The following TTN variants were observed in gnomAD, a reference collection of about 807,000 sequenced individuals.
TTN encodes connectin.
In TTN, 1,525 loss-of-function variants were observed where a neutral mutation model predicts 3,223.0. That is an observed-to-expected ratio of 0.47 (90% CI 0.45 to 0.49). The LOEUF (loss-of-function observed/expected upper bound fraction) is 0.49, where lower values mean the gene tolerates loss of function less well. Among genes scored for constraint, TTN ranks in the 20% least tolerant of loss-of-function variants. The probability of loss-of-function intolerance (pLI) is 0.00; values close to 1 mark genes in which losing one functional copy is unlikely to be tolerated. For synonymous variants in TTN, 14,094 were observed against 15,161.0 expected, an observed-to-expected ratio of 0.93 and a Z score of 5.17; for missense variants, 40,786 against 43,424.0, an observed-to-expected ratio of 0.94 and a Z score of 5.40.
intron 321 of TTN, 69 bp downstream of exon 321, chr2:178,578,542 A>G (rs2046975047): frequency 1.6e-6 from 2 of 1,228,686 alleles, no homozygotes; most frequent in Non-Finnish European, 2.3e-6. Flanking sequence ...CACATGTTCA[A>G]CTGTTCTCAG....
At chr2:178,794,694 G>T in intron 7 of TTN, 143 bp from the exon 8 acceptor site, 1 of 1,133,942 alleles carries the variant, frequency 8.8e-7, no homozygotes, top group Middle Eastern at 2.0e-4. Flanking sequence ...TACAGAGACT[G>T]TATCATTAAA....
intron 56 of TTN, 42 bp downstream of exon 56, chr2:178,732,398 A>T: frequency 6.3e-7 from 1 of 1,577,530 alleles, no homozygotes; most frequent in Non-Finnish European, 8.6e-7. Flanking sequence ...GAAAGAATTT[A>T]TAACAAGGTT....
At chr2:178,793,319 A>G in intron 9 of TTN, 85 bp downstream of exon 9, 2 of 1,551,148 alleles carry the variant, frequency 1.3e-6, no homozygotes, top group East Asian at 4.5e-5. Flanking sequence ...TGGCCCAAGG[A>G]ACAACACTCT....
chr2:178,557,150 G>A lies in TTN; in HGVS notation c.88010-6C>T. ...ACGAACATTTCTTGGGGGTTCTGTG[G>A]TAATAAGAGAAGCAGATTAGCGGCA... On this transcript the variant is annotated splice_polypyrimidine_tract_variant and splice_region_variant and intron_variant, in intron 329 of 362. Coordinates refer to ENST00000589042, the MANE Select transcript of TTN (RefSeq NM_001267550.2). 5 of 1,613,182 alleles carry A rather than the reference G, an allele frequency of 3.1e-6. No individual in the cohort carries two copies. The highest frequency in any genetic ancestry group is 4.2e-6 in the Non-Finnish European group (5 of 1,179,642).
chr2:178,534,123 C>T lies in TTN; in HGVS notation c.102492G>A (p.Gln34164=). Reference sequence around the variant, plus strand: ...CAAAGTACCAAGTCACTTGGGTAGACTGATCATAATTTTCAATTTTGCATA... The same window carrying T: ...CAAAGTACCAAGTCACTTGGGTAGATTGATCATAATTTTCAATTTTGCATA... The part of the protein sequence containing the change: ...KYVCKIENYD[Q]STQVTWYFGV... The change falls in exon 358 of 363, where the codon CAG becomes CAA. Residue 34164 remains glutamine (Q), a synonymous_variant. Coordinates refer to ENST00000589042, the MANE Select transcript of TTN (RefSeq NM_001267550.2). The T allele has an allele frequency of 6.2e-7, 1 of 1,613,972 alleles. No individual in the cohort carries two copies. Among genetic ancestry groups the T allele is most frequent in the Non-Finnish European group, 8.5e-7 (1 of 1,179,860 alleles).
At chr2:178,769,172 C>T (rs563115104) in intron 37 of TTN, among the ~76,000 whole-genome samples, 3 of 151,948 alleles carry the variant, frequency 2.0e-5, no homozygotes, top group African/African-American at 7.2e-5. Context: ...TTCAATGCTA[C>T]TCTAACTGGA....
At chr2:178,785,149 C>T (rs903538146) in intron 15 of TTN, among the ~76,000 whole-genome samples, 2 of 152,158 alleles carry the variant, frequency 1.3e-5, no homozygotes, top group Non-Finnish European at 2.9e-5. Context: ...AACCCGACCA[C>T]CATACAGTAC....
At position 178,611,289 on chromosome 2, in the gene TTN, A is replaced by G; in HGVS notation, c.50858-18T>C. On this transcript the variant is annotated intron_variant, in intron 269 of 362. Transcript: ENST00000589042. ...TGGCTTGCCTGTAAGATATCATTCA[A>G]AAGAGCAAAAAACAGAGTATGTCAA... The G allele has an allele frequency of 6.2e-7, 1 of 1,610,950 alleles. No individual in the cohort carries two copies. The highest frequency in any genetic ancestry group is 8.5e-7 in the Non-Finnish European group (1 of 1,178,848).
chr2:178,730,013 C>G (rs2080115635), intron 62 of TTN, 68 bp from the exon 63 acceptor site: 1 of 1,596,500 alleles, frequency 6.3e-7, no homozygotes, highest in Non-Finnish European at 8.5e-7. Flanking sequence ...AAACTGCTGT[C>G]TTAAGCGTCC....
Position 178,589,601 on chromosome 2 carries a change from C to G in TTN, c.62124G>C (p.Arg20708Ser). The G allele has an allele frequency of 3.7e-6, 6 of 1,613,318 alleles. No individual in the cohort carries two copies. Among genetic ancestry groups the G allele is most frequent in the Non-Finnish European group, 5.1e-6 (6 of 1,179,534 alleles). The change falls in exon 304 of 363, where the codon AGG becomes AGC. Residue 20708 changes from arginine to serine, a missense_variant. Physicochemically the swap from Arg to Ser is moderately radical, Grantham distance 110. Coordinates refer to ENST00000589042, the MANE Select transcript of TTN (RefSeq NM_001267550.2). ...SPNLSYHVER[R>S]LKGSDDWERV... Reference sequence around the variant, plus strand: ...TTTCCCAGTCATCGGAGCCCTTAAGCCTTCTCTCAACATGATATGACAGAT... The same window carrying G: ...TTTCCCAGTCATCGGAGCCCTTAAGGCTTCTCTCAACATGATATGACAGAT...
In TTN at chr2:178,635,719, T is replaced by C. The variant is rs748000174; in HGVS notation, c.41609-4A>G. 2 of 1,589,628 alleles carry C rather than the reference T, an allele frequency of 1.3e-6. No homozygotes were observed. The highest frequency in any genetic ancestry group is 1.7e-6 in the Non-Finnish European group (2 of 1,169,706). On this transcript the variant is annotated splice_region_variant and splice_polypyrimidine_tract_variant and intron_variant, in intron 226 of 362. Coordinates refer to ENST00000589042, the MANE Select transcript of TTN (RefSeq NM_001267550.2). ...ACCAGCCAATCTCTAATGACTTCTATATGAAAATAAGATCAGAAAAAATGA... is the reference window on the plus strand; with the variant it reads ...ACCAGCCAATCTCTAATGACTTCTACATGAAAATAAGATCAGAAAAAATGA...
chr2:178,717,101 C>T lies in TTN; in HGVS notation c.25633G>A (p.Val8545Ile), dbSNP rs1246177699. ...CCTTCACTCTAACAAGTACCTTGTA[C>T]ACCCAGCTGAGCAGAACAAGAGTCT... ...GKDSCSAQLG[V>I]QEPPRFIKKL... The change falls in exon 88 of 363, where the codon GTA becomes ATA. Residue 8545 changes from valine (V) to isoleucine (I), a missense_variant. Transcript: ENST00000589042. 3 of 1,609,796 alleles carry T rather than the reference C, an allele frequency of 1.9e-6. No homozygotes were observed. The highest frequency in any genetic ancestry group is 2.5e-6 in the Non-Finnish European group (3 of 1,176,958).
Position 178,560,789 on chromosome 2 carries a change from A to C in TTN, c.85343T>G (p.Leu28448Arg). Residue 28448 changes from leucine to arginine, a missense_variant, in exon 326 of 363, where the codon CTT (leucine) becomes CGT (arginine). Physicochemically the swap from Leu to Arg is moderately radical, Grantham distance 102 (BLOSUM62 -2). Coordinates refer to ENST00000589042, the MANE Select transcript of TTN (RefSeq NM_001267550.2). ...TCCTGCTGGTGGACCAGGCTTATCA[A>C]GTACTTTGCAATTAACGGCCACAGA... is the stretch of plus-strand genomic sequence containing the variant. ...TRSVAVNCKVLDKPGPPAGPL... is the reference protein window; with the variant it reads ...TRSVAVNCKVRDKPGPPAGPL... 1.9e-6 allele frequency: 3 copies of C among 1,613,738 alleles called. No homozygotes were observed. Among genetic ancestry groups the C allele is most frequent in the Non-Finnish European group, 2.5e-6 (3 of 1,179,780 alleles).
In TTN at chr2:178,696,089, G is replaced by A. The variant is rs1193943742; in HGVS notation, c.30983C>T (p.Pro10328Leu). 10 of 1,551,152 alleles carry A rather than the reference G, an allele frequency of 6.4e-6. No individual in the cohort carries two copies. The highest frequency in any genetic ancestry group is 8.7e-6 in the Non-Finnish European group (10 of 1,146,692). Residue 10328 changes from proline to leucine, a missense_variant, in exon 114 of 363, where the codon CCA (proline) becomes CTA (leucine). By Grantham distance (98) the Pro-to-Leu change is moderately conservative. Transcript: ENST00000589042. The stretch of plus-strand genomic sequence containing the variant: ...AGGTTGTTCAAATGGCTCTGTGTAT[G>A]GTTCTACCTCCAGTTCGTCATAAGG... ...EEPYDELEVEPYTEPFEQPYY... is the reference protein window; with the variant it reads ...EEPYDELEVELYTEPFEQPYY...
rs1264151357 is a variant in TTN, at chr2:178,730,965, A to G, written c.17700T>C (p.Asp5900=). The change falls in exon 60 of 363, where the codon GAT becomes GAC. Residue 5900 remains aspartate, a synonymous_variant. Coordinates refer to ENST00000589042, the MANE Select transcript of TTN (RefSeq NM_001267550.2). ...TAGCCTTGCAGCTGCTCCTCCCAAC[A>G]TCATTTTGGACCTCGAAAGTATATT... The part of the protein sequence containing the change: ...SGEYTFEVQN[D]VGRSSCKARI... The G allele has an allele frequency of 3.1e-6, 5 of 1,611,856 alleles. No homozygotes were observed. The highest frequency in any genetic ancestry group is 4.2e-6 in the Non-Finnish European group (5 of 1,178,484).
Position 178,534,293 on chromosome 2 carries a change from C to G in TTN, c.102322G>C (p.Ala34108Pro). 1.2e-6 allele frequency: 2 copies of G among 1,613,850 alleles called. No homozygotes were observed. Among genetic ancestry groups the G allele is most frequent in the South Asian group, 1.1e-5 (1 of 91,088 alleles). Residue 34108 changes from alanine (A) to proline (P), a missense_variant, in exon 358 of 363, where the codon GCA (alanine) becomes CCA (proline). Ala to Pro is a conservative substitution (Grantham distance 27). Coordinates refer to ENST00000589042, the MANE Select transcript of TTN (RefSeq NM_001267550.2). The stretch of plus-strand genomic sequence containing the variant: ...GCACCACCACAGGAGATCCGGGCTG[C>G]TGACACAACCATGTTGAGGTCTTTC... ...IKKDLNMVVS[A>P]ARISCGGAIR...
rs1472316868 is a variant in TTN, at chr2:178,533,077, G to A, written c.103538C>T (p.Ala34513Val). 6.2e-7 allele frequency: 1 copy of A among 1,613,870 alleles called. No homozygotes were observed. The highest frequency in any genetic ancestry group is 2.2e-5 in the East Asian group (1 of 44,876). Residue 34513 changes from alanine to valine, a missense_variant, in exon 358 of 363, where the codon GCT becomes GTT. Transcript: ENST00000589042. ...CCCTTTTACAGTCTTGGTGCTTACA[G>A]CCGGTTTATAAAGGACAGCAGCTTC... ...LREAAVLYKPAVSTKTVKGEF... is the reference protein window; with the variant it reads ...LREAAVLYKPVVSTKTVKGEF...
rs1348567940 is a variant in TTN, at chr2:178,564,513, C to T, written c.81619G>A (p.Val27207Ile). The change falls in exon 326 of 363, where the codon GTA becomes ATA. Residue 27207 changes from valine to isoleucine, a missense_variant. Physicochemically the swap from Val to Ile is conservative, Grantham distance 29 (BLOSUM62 3). Transcript: ENST00000589042. ...DGGSKITGYI[V>I]EKKDLPDGRW... is the part of the protein sequence containing the mutation. ...CCATCAGGTAGATCTTTCTTTTCTA[C>T]AATATAACCTGTTATTTTGCTACCA... 5 of 1,612,602 alleles carry T rather than the reference C, an allele frequency of 3.1e-6. No homozygotes were observed. In the South Asian group the frequency reaches 3.3e-5, roughly 11 times the overall value.
rs760622914 is a variant in TTN, at chr2:178,535,842, A to G, written c.100773T>C (p.Ala33591=). Reference sequence around the variant, plus strand: ...CAAGAGTTTTAGGTAAGTGTATCTTAGCTGGAACTGTATCAGAAAAAAAAA... The same window carrying G: ...CAAGAGTTTTAGGTAAGTGTATCTTGGCTGGAACTGTATCAGAAAAAAAAA... The part of the protein sequence containing the change: ...GTASLEVEVP[A]KIHLPKTLEG... Residue 33591 remains alanine (A), a synonymous_variant, in exon 358 of 363, where the codon GCT becomes GCC. Coordinates refer to ENST00000589042, the MANE Select transcript of TTN (RefSeq NM_001267550.2). The G allele has an allele frequency of 7.1e-6, 11 of 1,555,442 alleles. No individual in the cohort carries two copies. The highest frequency in any genetic ancestry group is 9.5e-6 in the Non-Finnish European group (11 of 1,155,264).
Sources: gnomAD v4.1 joint callset for allele counts (sites outside exome capture counted in the v4.1 genomes callset) on GRCh38, gnomAD v4.1.1 for gene constraint, MANE v1.5 for transcripts, NCBI Gene and HGNC (gene_info 2026-07-23, HGNC 2026-07-21) for gene names.